The following MTCL3 variants were observed in gnomAD, a reference collection of about 807,000 sequenced individuals.
MTCL3 encodes the protein microtubule cross-linking factor 3.
At chr6:127,492,477 T>A in the MTCL3 span, among the ~76,000 whole-genome samples, 4 of 152,302 alleles carry the variant, frequency 2.6e-5, no homozygotes, top group South Asian at 8.3e-4. Flanking sequence ...TAATGTATTT[T>A]CCTTGTTTTT....
the MTCL3 span, among the ~76,000 whole-genome samples, chr6:127,502,511 T>C: frequency 6.6e-6 from 1 of 152,210 alleles, no homozygotes; most frequent in Non-Finnish European, 1.5e-5. Flanking sequence ...TGGAAGAAGT[T>C]AGCATGGCTT....
the MTCL3 span, among the ~76,000 whole-genome samples, chr6:127,507,217 C>G: frequency 6.6e-6 from 1 of 152,052 alleles, no homozygotes; most frequent in African/African-American, 2.4e-5. Flanking sequence ...ATGTACTCAA[C>G]AGGAGATGCT....
At chr6:127,473,448 C>T in the MTCL3 span, 3 of 1,296,072 alleles carry the variant, frequency 2.3e-6, no homozygotes, top group Non-Finnish European at 3.1e-6. Context: ...ATCTTTAAAA[C>T]TTAAATTCAC....
chr6:127,498,051 A>G, the MTCL3 span, among the ~76,000 whole-genome samples: 2 of 152,228 alleles, frequency 1.3e-5, no homozygotes, highest in Non-Finnish European at 2.9e-5. Flanking sequence ...GATTTCTTAG[A>G]TGCGACACCA....
chr6:127,503,177 G>A, the MTCL3 span, among the ~76,000 whole-genome samples: 2 of 152,186 alleles, frequency 1.3e-5, no homozygotes, highest in African/African-American at 4.8e-5. Flanking sequence ...TCCTTGCAGT[G>A]AGGCCACGCA....
At chr6:127,516,146 G>A in the MTCL3 span, 5 of 1,447,090 alleles carry the variant, frequency 3.5e-6, no homozygotes, top group Non-Finnish European at 4.5e-6. Flanking sequence ...GGTTCCCCGA[G>A]TTTCGAGGGC....
chr6:127,500,825 T>G, the MTCL3 span, among the ~76,000 whole-genome samples: 1 of 152,194 alleles, frequency 6.6e-6, no homozygotes, highest in Non-Finnish European at 1.5e-5. Flanking sequence ...AAGAATTTTT[T>G]TTTTTGAGAT....
the MTCL3 span, among the ~76,000 whole-genome samples, chr6:127,484,263 G>C: frequency 6.6e-6 from 1 of 152,114 alleles, no homozygotes; most frequent in Non-Finnish European, 1.5e-5. Flanking sequence ...AGAAGGCAGG[G>C]GAATACTTTG....
the MTCL3 span, among the ~76,000 whole-genome samples, chr6:127,480,249 T>C: frequency 2.0e-5 from 3 of 152,248 alleles, no homozygotes; most frequent in Non-Finnish European, 2.9e-5. Flanking sequence ...CTCTCTATTA[T>C]GATTCCCATT....
chr6:127,486,398 A>C, the MTCL3 span, among the ~76,000 whole-genome samples: 1 of 152,208 alleles, frequency 6.6e-6, no homozygotes, highest in African/African-American at 2.4e-5. Flanking sequence ...TATGAAACAA[A>C]GATGAGACAT....
the MTCL3 span, among the ~76,000 whole-genome samples, chr6:127,511,300 T>TC: frequency 6.6e-6 from 1 of 152,232 alleles, no homozygotes; most frequent in Non-Finnish European, 1.5e-5. Flanking sequence ...TTGTTACAGC[T>TC]ACCCTAGAGA....
chr6:127,495,417 GAA>G, the MTCL3 span, among the ~76,000 whole-genome samples: 4 of 151,712 alleles, frequency 2.6e-5, no homozygotes, highest in Non-Finnish European at 4.4e-5. Flanking sequence ...TTCAGGCAAA[GAA>G]AAAAAACTGT....
the MTCL3 span, among the ~76,000 whole-genome samples, chr6:127,473,849 C>T: frequency 6.6e-6 from 1 of 152,188 alleles, no homozygotes; most frequent in Admixed American, 6.5e-5. Flanking sequence ...CCAGAGGAAA[C>T]AGCATTGCCT....
At chr6:127,481,625 A>C in the MTCL3 span, among the ~76,000 whole-genome samples, 3 of 146,282 alleles carry the variant, frequency 2.1e-5, no homozygotes, top group Non-Finnish European at 3.0e-5. Flanking sequence ...TTATCTATCT[A>C]ATGTGAAAAA....
the MTCL3 span, among the ~76,000 whole-genome samples, chr6:127,491,934 G>A: frequency 6.8e-6 from 1 of 147,262 alleles, no homozygotes; most frequent in Non-Finnish European, 1.5e-5. Flanking sequence ...TCTTCTAACT[G>A]AACTGGCCTT....
chr6:127,515,927 C>G, the MTCL3 span: 1 of 1,610,144 alleles, frequency 6.2e-7, no homozygotes, highest in Non-Finnish European at 8.5e-7. The surrounding 1 kb of genome is among the most constrained non-coding windows in gnomAD (Gnocchi z 4.3). Context: ...TTTCTGCTGC[C>G]GGTTCCTGGG....
chr6:127,489,359 C>G, the MTCL3 span, among the ~76,000 whole-genome samples: 1 of 152,148 alleles, frequency 6.6e-6, no homozygotes, highest in Non-Finnish European at 1.5e-5. Context: ...AATTAATAAC[C>G]CTACAATGGC....
At chr6:127,476,015 T>C in the MTCL3 span, 28 of 1,611,108 alleles carry the variant, frequency 1.7e-5, no homozygotes, top group Non-Finnish European at 2.4e-5. The surrounding 1 kb of genome is among the most constrained non-coding windows in gnomAD (Gnocchi z 4.4). Flanking sequence ...GTGATGCGCT[T>C]GTTCTGCTCC....
the MTCL3 span, among the ~76,000 whole-genome samples, chr6:127,478,987 A>T: frequency 6.7e-6 from 1 of 148,570 alleles, no homozygotes; most frequent in Non-Finnish European, 1.5e-5. Context: ...ACTGCACTCC[A>T]GCCTGGGTGA....
Sources: allele counts gnomAD v4.1 joint callset (sites outside exome capture counted in the v4.1 genomes callset), GRCh38; gene constraint gnomAD v4.1.1; non-coding constraint Gnocchi (gnomAD v3.1); transcripts MANE v1.5; gene names NCBI Gene and HGNC (gene_info 2026-07-23, HGNC 2026-07-21).